Variants in TCF12 observed in about 807,000 individuals in gnomAD.
TCF12 encodes the protein transcription factor 12.
A neutral mutation model predicts 86.0 loss-of-function variants in TCF12; 45 were observed. The ratio of observed to expected loss-of-function variants is 0.52; its 90% CI spans 0.41 to 0.67. The LOEUF (loss-of-function observed/expected upper bound fraction) is 0.67, where lower values mean the gene tolerates loss of function less well. Among genes scored for constraint, TCF12 ranks in the 30% least tolerant of loss-of-function variants. TCF12 has a pLI of 0.00. For synonymous variants in TCF12, 330 were observed against 299.6 expected (o/e 1.10, Z -1.05); for missense variants, 881 against 859.9 (o/e 1.02, Z -0.31).
At chr15:57,187,645 T>C (rs1244943514) in intron 6 of TCF12, among the ~76,000 whole-genome samples, 2 of 152,054 alleles carry the variant, frequency 1.3e-5, no homozygotes, top group East Asian at 3.9e-4. Context: ...TCTAAACAGA[T>C]TAGTGGCTGG....
At chr15:57,057,125 C>A (rs1405562856) in intron 3 of TCF12, among the ~76,000 whole-genome samples, 4 of 152,184 alleles carry the variant, frequency 2.6e-5, no homozygotes, top group African/African-American at 7.2e-5. Flanking sequence ...CTGCTCAGAT[C>A]TCAATTCGGT....
intron 4 of TCF12, among the ~76,000 whole-genome samples, chr15:57,087,300 T>TA (rs1167388208): frequency 1.3e-5 from 2 of 151,552 alleles, no homozygotes; most frequent in African/African-American, 2.4e-5. Flanking sequence ...TAGTCCCAGT[T>TA]ACTCAGGAGG....
At chr15:57,126,275 A>C (rs969806755) in intron 5 of TCF12, among the ~76,000 whole-genome samples, 2 of 152,086 alleles carry the variant, frequency 1.3e-5, no homozygotes, top group African/African-American at 4.8e-5. Context: ...TTAAATTGAG[A>C]CCTCAACAGT....
intron 5 of TCF12, among the ~76,000 whole-genome samples, chr15:57,149,239 G>C (rs2053578470): frequency 6.6e-6 from 1 of 152,144 alleles, no homozygotes; most frequent in South Asian, 2.1e-4. Flanking sequence ...GTGGTTATCT[G>C]TAGCATATAT....
chr15:57,269,776 G>A (rs2061044785), intron 18 of TCF12, among the ~76,000 whole-genome samples: 1 of 152,110 alleles, frequency 6.6e-6, no homozygotes, highest in African/African-American at 2.4e-5. Context: ...CTCAGCATTT[G>A]CTTGTCTGTA....
intron 6 of TCF12, among the ~76,000 whole-genome samples, chr15:57,185,929 T>G (rs773979470): frequency 6.6e-6 from 1 of 152,004 alleles, no homozygotes; most frequent in African/African-American, 2.4e-5. Flanking sequence ...TTGACAAACC[T>G]TTAGCTAGAT....
At chr15:57,232,167 G>A in intron 9 of TCF12, 124 bp from the exon 10 acceptor site, 1 of 978,526 alleles carries the variant, frequency 1.0e-6, no homozygotes, top group South Asian at 1.5e-5. Flanking sequence ...ACAGTGGGTA[G>A]AAGACTAGGT....
intron 13 of TCF12, chr15:57,246,997 C>T: frequency 1.8e-6 from 1 of 544,746 alleles, no homozygotes; most frequent in Non-Finnish European, 3.6e-6. Context: ...CTTTCACCAC[C>T]ATGGGGAATG....
rs1322699055 is a variant in TCF12, at chr15:57,252,462, T to C, written c.1230T>C (p.Asp410=). 6.2e-7 allele frequency: 1 copy of C among 1,614,020 alleles called. No individual in the cohort carries two copies. The highest frequency in any genetic ancestry group is 8.5e-7 in the Non-Finnish European group (1 of 1,179,906). ...AGCAACTTCACGAGCATTTGCAAGA[T>C]GCAATGTCCTTCTTAAAGGATGTCT... is the stretch of plus-strand genomic sequence containing the variant. ...VEQQLHEHLQ[D]AMSFLKDVCE... is the part of the protein sequence containing the mutation. Residue 410 remains aspartate, a synonymous_variant, in exon 15 of 21, where the codon GAT becomes GAC. Transcript: ENST00000333725.
intron 18 of TCF12, among the ~76,000 whole-genome samples, chr15:57,265,580 G>A (rs1043448079): frequency 6.6e-6 from 1 of 152,116 alleles, no homozygotes; most frequent in African/African-American, 2.4e-5. Flanking sequence ...TTATTTCATT[G>A]TTTAATATTA....
chr15:57,262,116 C>G lies in TCF12; in HGVS notation c.1490C>G (p.Ser497Cys). The G allele has an allele frequency of 1.2e-6, 2 of 1,613,200 alleles. No homozygotes were observed. Among genetic ancestry groups the G allele is most frequent in the Non-Finnish European group, 1.7e-6 (2 of 1,179,474 alleles). Reference protein sequence around the residue: ...ASMVGTHREDSVSLNGNHSVL... With the variant: ...ASMVGTHREDCVSLNGNHSVL... ...TAGGTTGGAACTCATCGGGAAGACT[C>G]TGTCAGTCTCAATGGCAATCATTCA... The change falls in exon 17 of 21, where the codon TCT becomes TGT. Residue 497 changes from serine to cysteine, a missense_variant. Ser to Cys is a moderately radical substitution (Grantham distance 112). Transcript: ENST00000333725.
At chr15:57,098,600 G>A (rs1213499171) in intron 5 of TCF12, among the ~76,000 whole-genome samples, 2 of 152,150 alleles carry the variant, frequency 1.3e-5, no homozygotes, top group African/African-American at 4.8e-5. Context: ...ATTAATATAC[G>A]TGGCAGAATG....
chr15:57,159,948 T>C (rs1358060517), intron 5 of TCF12, among the ~76,000 whole-genome samples: 1 of 152,266 alleles, frequency 6.6e-6, no homozygotes, highest in African/African-American at 2.4e-5. Flanking sequence ...ACTGGACTGC[T>C]GCAGAAAGAA....
intron 3 of TCF12, among the ~76,000 whole-genome samples, chr15:57,060,061 A>G (rs887733485): frequency 4.6e-5 from 7 of 152,172 alleles, no homozygotes; most frequent in African/African-American, 1.7e-4. Flanking sequence ...CAAGAAGTTT[A>G]CCTGTTCCTC....
chr15:56,950,966 G>A (rs1350151227), intron 3 of TCF12, among the ~76,000 whole-genome samples: 2 of 151,728 alleles, frequency 1.3e-5, no homozygotes, highest in East Asian at 3.9e-4. Flanking sequence ...ATGTTGGTCA[G>A]GCTGGTCTTG....
intron 8 of TCF12, among the ~76,000 whole-genome samples, chr15:57,224,496 T>A (rs2058774259): frequency 6.6e-6 from 1 of 152,132 alleles, no homozygotes; most frequent in African/African-American, 2.4e-5. Flanking sequence ...TAAATGGGCT[T>A]AGAAGGAATT....
At chr15:57,040,210 T>C (rs2066803983) in intron 3 of TCF12, among the ~76,000 whole-genome samples, 1 of 152,222 alleles carries the variant, frequency 6.6e-6, no homozygotes, top group East Asian at 1.9e-4. Context: ...ACATTCTTAA[T>C]GCAACAAAAG....
At chr15:56,921,405 G>C (rs1446390084) in intron 3 of TCF12, among the ~76,000 whole-genome samples, 4 of 151,724 alleles carry the variant, frequency 2.6e-5, no homozygotes, top group African/African-American at 9.7e-5. Flanking sequence ...CCTATATCCA[G>C]ATTACATTAT....
intron 5 of TCF12, among the ~76,000 whole-genome samples, chr15:57,153,249 A>G (rs1017790487): frequency 6.6e-6 from 1 of 152,144 alleles, no homozygotes; most frequent in Non-Finnish European, 1.5e-5. Context: ...GACTCCGCAA[A>G]CTTTTTTCAT....
Sources: gnomAD v4.1 joint callset for allele counts (sites outside exome capture counted in the v4.1 genomes callset) on GRCh38, gnomAD v4.1.1 for gene constraint, MANE v1.5 for transcripts, NCBI Gene and HGNC (gene_info 2026-07-23, HGNC 2026-07-21) for gene names.